GJB7: variants seen among roughly 807,000 people sequenced by gnomAD.
GJB7 encodes gap junction beta-7 protein.
For synonymous variants in GJB7, 87 were observed against 95.2 expected (o/e 0.91, Z 0.50); for missense variants, 253 against 256.8 (o/e 0.99, Z 0.10).
intron 2 of GJB7, among the ~76,000 whole-genome samples, chr6:87,317,433 C>CT (rs34039728): frequency 0.38 from 53,624 of 142,844 alleles, 11,000 homozygotes; most frequent in Non-Finnish European, 0.47. Flanking sequence ...TAATCTTTTC[C>CT]TTTTTTTTTT....
chr6:87,323,544 G>A (rs1262394639), intron 1 of GJB7, among the ~76,000 whole-genome samples: 1 of 151,206 alleles, frequency 6.6e-6, no homozygotes. Context: ...TTGTTCTTGC[G>A]ATAGTTTACT....
chr6:87,307,278 G>T (rs1259950547), intron 2 of GJB7, among the ~76,000 whole-genome samples: 1 of 149,808 alleles, frequency 6.7e-6, no homozygotes, highest in Non-Finnish European at 1.5e-5. Context: ...AACCCTAGAA[G>T]AAAACATAGG....
chr6:87,299,455 A>C, intron 2 of GJB7: 2 of 447,820 alleles, frequency 4.5e-6, no homozygotes, highest in East Asian at 5.6e-5. Context: ...AAAAGGTTAG[A>C]AATGTGAATT....
chr6:87,301,113 G>A (rs1776316036), intron 2 of GJB7, among the ~76,000 whole-genome samples: 2 of 152,166 alleles, frequency 1.3e-5, no homozygotes, highest in African/African-American at 2.4e-5. Context: ...CGACAGAGAA[G>A]ACGGGTGATT....
At chr6:87,295,480 C>T (rs6926686) in intron 2 of GJB7, among the ~76,000 whole-genome samples, 59,668 of 151,976 alleles carry the variant, frequency 0.39, 12,035 homozygotes, top group Admixed American at 0.52. Flanking sequence ...GCTGCTGCCT[C>T]TTCTGGTGCC....
chr6:87,287,904 T>C (rs577683802), intron 2 of GJB7, among the ~76,000 whole-genome samples: 45 of 152,178 alleles, frequency 3.0e-4, no homozygotes, highest in Non-Finnish European at 5.7e-4. Context: ...TCCTATTTTT[T>C]TAAAAAAATT....
At chr6:87,314,386 G>A (rs1487912809) in intron 2 of GJB7, among the ~76,000 whole-genome samples, 1 of 152,114 alleles carries the variant, frequency 6.6e-6, no homozygotes, top group Middle Eastern at 3.2e-3. Flanking sequence ...TTTGGGCAAG[G>A]GTAGAAAAGT....
At chr6:87,308,339 A>C (rs242262) in intron 2 of GJB7, among the ~76,000 whole-genome samples, 56,355 of 152,076 alleles carry the variant, frequency 0.37, 12,049 homozygotes, top group Non-Finnish European at 0.48. Context: ...ACAAACCTGC[A>C]TATTCTGCAC....
chr6:87,287,807 CA>C (rs973020621), intron 2 of GJB7, among the ~76,000 whole-genome samples: 8 of 149,908 alleles, frequency 5.3e-5, no homozygotes, highest in Admixed American at 2.7e-4. Flanking sequence ...AGAAAGGCAA[CA>C]AAAAAAAAGT....
At chr6:87,325,908 G>T (rs1356883597) in intron 1 of GJB7, among the ~76,000 whole-genome samples, 1 of 152,028 alleles carries the variant, frequency 6.6e-6, no homozygotes, top group East Asian at 1.9e-4. Context: ...GACTCTTTTT[G>T]GTTGGTAAGC....
At chr6:87,285,563 C>A (rs1776046211) in intron 2 of GJB7, among the ~76,000 whole-genome samples, 1 of 152,198 alleles carries the variant, frequency 6.6e-6, no homozygotes, top group African/African-American at 2.4e-5. Context: ...CCAAATTTAC[C>A]TTCTTTACCC....
At chr6:87,321,016 C>T (rs1389428821) in intron 2 of GJB7, among the ~76,000 whole-genome samples, 3 of 152,052 alleles carry the variant, frequency 2.0e-5, no homozygotes, top group South Asian at 2.1e-4. Context: ...GTCAGGAGTT[C>T]GAGACCAGCC....
At chr6:87,328,209 C>G (rs917381219) in intron 1 of GJB7, among the ~76,000 whole-genome samples, 1 of 152,170 alleles carries the variant, frequency 6.6e-6, no homozygotes, top group Non-Finnish European at 1.5e-5. Context: ...AATTTCCTCC[C>G]GTAGCTCGGA....
At chr6:87,311,438 A>G (rs1246895380) in intron 2 of GJB7, among the ~76,000 whole-genome samples, 3 of 152,220 alleles carry the variant, frequency 2.0e-5, no homozygotes, top group Non-Finnish European at 2.9e-5. Context: ...ACCTCCTCAC[A>G]AAGACCACCA....
intron 2 of GJB7, among the ~76,000 whole-genome samples, chr6:87,321,246 A>G (rs1424509029): frequency 6.8e-6 from 1 of 146,792 alleles, no homozygotes; most frequent in Non-Finnish European, 1.5e-5. Flanking sequence ...AAAAAAAAAG[A>G]TCTAGTAAGG....
In GJB7 at chr6:87,284,813, G is replaced by A. The variant is rs113173161; in HGVS notation, c.100C>T (p.Leu34=). 2.5e-6 allele frequency: 4 copies of A among 1,614,074 alleles called. No homozygotes were observed. The highest frequency in any genetic ancestry group is 1.3e-5 in the African/African-American group (1 of 75,006). The change falls in exon 3 of 3, where the codon CTG becomes TTG. Residue 34 remains leucine (L), a synonymous_variant. Transcript: ENST00000525899. ...WLAVVFVFRL[L]VYMVAAEHVW... ...TGCTCTGCTGCCACCATGTAGACCA[G>A]CAAACGGAAGACAAACACGACAGCC...
At chr6:87,317,068 T>C (rs1024297686) in intron 2 of GJB7, among the ~76,000 whole-genome samples, 3 of 152,040 alleles carry the variant, frequency 2.0e-5, no homozygotes, top group African/African-American at 4.8e-5. Context: ...ATATTGAAAG[T>C]ATCTGGCTGG....
intron 1 of GJB7, among the ~76,000 whole-genome samples, chr6:87,323,574 T>G (rs1776728675): frequency 6.6e-6 from 1 of 151,984 alleles, no homozygotes; most frequent in African/African-American, 2.4e-5. Flanking sequence ...GATTTCCAAT[T>G]TCATCCATGT....
At chr6:87,290,517 TTTG>T (rs1776151318) in intron 2 of GJB7, among the ~76,000 whole-genome samples, 2 of 149,686 alleles carry the variant, frequency 1.3e-5, no homozygotes, top group Admixed American at 1.3e-4. Context: ...CCACTGAGGG[TTTG>T]TTGTTATATT....
Sources: gnomAD v4.1 joint callset for allele counts (sites outside exome capture counted in the v4.1 genomes callset) on GRCh38, gnomAD v4.1.1 for gene constraint, MANE v1.5 for transcripts, NCBI Gene and HGNC (gene_info 2026-07-23, HGNC 2026-07-21) for gene names.